The following MAGI1 variants were observed in gnomAD, a reference collection of about 807,000 sequenced individuals.
MAGI1 encodes membrane-associated guanylate kinase, WW and PDZ domain-containing protein 1.
Under a neutral mutation model 139.9 loss-of-function variants are expected in MAGI1, and 58 were observed. That is an observed-to-expected ratio of 0.41 (90% CI 0.34 to 0.52). The LOEUF (loss-of-function observed/expected upper bound fraction) is 0.52. Ranked by LOEUF, MAGI1 falls within the 20% of genes least tolerant of loss-of-function variation. The pLI is 0.12. For synonymous variants in MAGI1, 812 were observed against 737.9 expected (o/e 1.10, Z -1.63); for missense variants, 1,874 against 1,901.6 (o/e 0.99, Z 0.27).
intron 22 of MAGI1, chr3:65,359,218 G>C (rs1045664069): frequency 6.3e-7 from 1 of 1,597,550 alleles, no homozygotes; most frequent in Non-Finnish European, 8.5e-7. Context: ...AAGAGAAAAA[G>C]TTGAACATTT....
At chr3:65,926,603 A>G (rs1328850376) in intron 1 of MAGI1, among the ~76,000 whole-genome samples, 1 of 152,186 alleles carries the variant, frequency 6.6e-6, no homozygotes, top group Non-Finnish European at 1.5e-5. Context: ...CAAAACCAAG[A>G]TGGTGATGAG....
chr3:65,692,246 G>A (rs1357513032), intron 1 of MAGI1, among the ~76,000 whole-genome samples: 1 of 152,164 alleles, frequency 6.6e-6, no homozygotes, highest in Non-Finnish European at 1.5e-5. Flanking sequence ...TGTTTTAAAT[G>A]TTTCAATGGT....
At chr3:65,604,552 A>G (rs2082644214) in intron 2 of MAGI1, among the ~76,000 whole-genome samples, 1 of 152,180 alleles carries the variant, frequency 6.6e-6, no homozygotes, top group Admixed American at 6.5e-5. Context: ...TGTCAGAGAC[A>G]AATAATAAAT....
intron 2 of MAGI1, among the ~76,000 whole-genome samples, chr3:65,518,768 CAAAA>C (rs35356118): frequency 1.3e-5 from 2 of 149,930 alleles, no homozygotes; most frequent in Non-Finnish European, 3.0e-5. Flanking sequence ...GTAGATGCAG[CAAAA>C]AAAAAATAAA....
At chr3:65,855,674 G>T (rs2108417354) in intron 1 of MAGI1, among the ~76,000 whole-genome samples, 1 of 145,216 alleles carries the variant, frequency 6.9e-6, no homozygotes, top group South Asian at 2.3e-4. Flanking sequence ...AAAGAGAAAA[G>T]AAAGGAAAAG....
chr3:65,794,587 T>G (rs2039998460), intron 1 of MAGI1, among the ~76,000 whole-genome samples: 1 of 152,092 alleles, frequency 6.6e-6, no homozygotes, highest in South Asian at 2.1e-4. Flanking sequence ...TGAACCTTTC[T>G]GGCCTAGCCA....
intron 1 of MAGI1, among the ~76,000 whole-genome samples, chr3:65,759,065 C>CAAAA (rs200497203): frequency 2.2e-4 from 16 of 73,076 alleles, no homozygotes; most frequent in African/African-American, 7.1e-4. Flanking sequence ...AGGCCCAGTG[C>CAAAA]AAAAAAAAAA....
At chr3:65,756,516 TG>T (rs1174421503) in intron 1 of MAGI1, among the ~76,000 whole-genome samples, 5 of 152,236 alleles carry the variant, frequency 3.3e-5, no homozygotes, top group Admixed American at 3.3e-4. Context: ...AACAGGAGCA[TG>T]GCTTTATAAA....
Position 65,356,149 on chromosome 3 carries a change from C to T in MAGI1, c.*229G>A, listed in dbSNP as rs1218200068. 1 of 393,432 alleles carries T rather than the reference C, an allele frequency of 2.5e-6. No individual in the cohort carries two copies. The highest frequency in any genetic ancestry group is 4.4e-5 in the Admixed American group (1 of 22,542). The allele number at this position is 393,432 out of a possible 1,614,324, so 24.4% of individuals were successfully genotyped here. On this transcript the variant is annotated 3_prime_UTR_variant, in exon 23 of 23. Transcript: ENST00000402939. ...TGGGCCAGCATTTGGCAAATAATTT[C>T]CAAAAAAGTATGCATTTAAAAATAC...
At chr3:65,744,725 T>C (rs1337923018) in intron 1 of MAGI1, among the ~76,000 whole-genome samples, 1 of 152,068 alleles carries the variant, frequency 6.6e-6, no homozygotes, top group East Asian at 2.0e-4. Flanking sequence ...AAGAAAAAGA[T>C]GCGAAAGTAT....
chr3:65,930,471 C>G (rs992587997), intron 1 of MAGI1, among the ~76,000 whole-genome samples: 1 of 152,060 alleles, frequency 6.6e-6, no homozygotes, highest in Non-Finnish European at 1.5e-5. Context: ...GTGGCTCACA[C>G]CTGTGGTTCC....
intron 1 of MAGI1, among the ~76,000 whole-genome samples, chr3:65,773,560 G>A (rs2038129577): frequency 6.6e-6 from 1 of 151,964 alleles, no homozygotes; most frequent in Non-Finnish European, 1.5e-5. Context: ...GAGTGGGGGT[G>A]GGATCACTGG....
In MAGI1 at chr3:66,025,301, G is replaced by T. The variant is rs139296190; in HGVS notation, c.313+12695C>A. Among the ~76,000 whole-genome samples, 1,035 of 152,288 alleles carry T rather than the reference G, an allele frequency of 6.8e-3. 13 individuals are homozygous for T. The highest frequency in any genetic ancestry group is 0.024 in the African/African-American group (999 of 41,560). On this transcript the variant is annotated intron_variant, in intron 1 of 22. Transcript: ENST00000402939. ...CGCCTGTAATCCCAGCACTTTGGGAGGCCAAGGTGGGTGGATTGCTTGAGC... is the reference window on the plus strand; with the variant it reads ...CGCCTGTAATCCCAGCACTTTGGGATGCCAAGGTGGGTGGATTGCTTGAGC...
intron 2 of MAGI1, among the ~76,000 whole-genome samples, chr3:65,554,698 C>T (rs965537407): frequency 1.3e-5 from 2 of 152,212 alleles, no homozygotes; most frequent in African/African-American, 2.4e-5. Context: ...CCAAAGGTCC[C>T]ACTTCCTTCA....
At chr3:65,674,135 A>C (rs2087034956) in intron 1 of MAGI1, among the ~76,000 whole-genome samples, 1 of 152,220 alleles carries the variant, frequency 6.6e-6, no homozygotes, top group Non-Finnish European at 1.5e-5. Context: ...GTGTTCAAGA[A>C]TGCAACAGGA....
At chr3:65,601,418 C>A (rs921641279) in intron 2 of MAGI1, among the ~76,000 whole-genome samples, 4 of 151,712 alleles carry the variant, frequency 2.6e-5, no homozygotes, top group Non-Finnish European at 5.9e-5. Flanking sequence ...ACCCATATGC[C>A]CACACAGAAG....
intron 1 of MAGI1, among the ~76,000 whole-genome samples, chr3:65,654,575 C>T (rs1482701959): frequency 2.0e-5 from 3 of 152,072 alleles, no homozygotes; most frequent in East Asian, 1.9e-4. Context: ...CTCCATTCAA[C>T]ACACACCATT....
chr3:66,014,335 C>A (rs2067507142), intron 1 of MAGI1, among the ~76,000 whole-genome samples: 1 of 152,066 alleles, frequency 6.6e-6, no homozygotes, highest in Non-Finnish European at 1.5e-5. Flanking sequence ...ACAAGCATAC[C>A]CAACCAGGTC....
chr3:65,571,098 G>C (rs983177505), intron 2 of MAGI1, among the ~76,000 whole-genome samples: 27 of 152,174 alleles, frequency 1.8e-4, no homozygotes, highest in African/African-American at 6.5e-4. Flanking sequence ...GCTTTTTATT[G>C]CTTTTCATTA....
Sources: allele counts gnomAD v4.1 joint callset (sites outside exome capture counted in the v4.1 genomes callset), GRCh38; gene constraint gnomAD v4.1.1; transcripts MANE v1.5; gene names NCBI Gene and HGNC (gene_info 2026-07-23, HGNC 2026-07-21).